The following CAPN1 variants were observed in gnomAD, a reference collection of about 807,000 sequenced individuals.
CAPN1 encodes calpain-1 catalytic subunit.
A neutral mutation model predicts 105.2 loss-of-function variants in CAPN1; 77 were observed. That is an observed-to-expected ratio of 0.73 (90% CI 0.61 to 0.88). CAPN1 has a LOEUF of 0.88. Among genes scored for constraint, CAPN1 ranks in the 40% least tolerant of loss-of-function variants. The pLI, the probability that CAPN1 is intolerant of heterozygous loss-of-function variation, is 0.00. For missense variants in CAPN1, 833 were observed against 976.6 expected (o/e 0.85, Z 1.96); for synonymous variants, 355 against 388.8 (o/e 0.91, Z 1.02).
Position 65,183,531 on chromosome 11 carries a change from A to G in CAPN1, c.395A>G (p.His132Arg). The stretch of plus-strand genomic sequence containing the variant: ...CTCACTCTCAACGACACCCTCCTGC[A>G]CCGAGTGGTTCCGCACGGCCAGAGC... ...ASLTLNDTLL[H>R]RVVPHGQSFQ... The change falls in exon 4 of 22, where the codon CAC (histidine) becomes CGC (arginine). Residue 132 changes from histidine to arginine, a missense_variant. Coordinates refer to ENST00000279247, the MANE Select transcript of CAPN1 (RefSeq NM_005186.4). 1 of 1,613,848 alleles carries G rather than the reference A, an allele frequency of 6.2e-7. No homozygotes were observed. The highest frequency in any genetic ancestry group is 8.5e-7 in the Non-Finnish European group (1 of 1,179,818).
chr11:65,209,307 T>C lies in CAPN1; in HGVS notation c.1730-16T>C, dbSNP rs773369947. ...AGCTCACTAGGTGGAGATGTTGGAA[T>C]TGGTTTTTCTTGCAGACAAAGACCT... is the stretch of plus-strand genomic sequence containing the variant. On this transcript the variant is annotated splice_polypyrimidine_tract_variant and intron_variant, in intron 16 of 21. Transcript: ENST00000279247. This position sits in a 1 kb window ranked among gnomAD's most constrained non-coding sequence, Gnocchi z 4.1. The C allele has an allele frequency of 2.5e-6, 4 of 1,611,780 alleles. No individual in the cohort carries two copies. Among genetic ancestry groups the C allele is most frequent in the South Asian group, 1.1e-5 (1 of 90,778 alleles).
In CAPN1 at chr11:65,188,478, G is replaced by A. The variant is rs1274524055; in HGVS notation, c.994G>A (p.Gly332Arg). ...RDQLRVKMED[G>R]EFWMSFRDFM... ...CCAGCTCCGGGTCAAGATGGAGGAC[G>A]GGGAGTTCTGGTGAGCGCCCCCTCC... is the stretch of plus-strand genomic sequence containing the variant. Residue 332 changes from glycine (G) to arginine (R), a missense_variant, in exon 9 of 22, where the codon GGG (glycine) becomes AGG (arginine). Physicochemically the swap from Gly to Arg is moderately radical, Grantham distance 125. Coordinates refer to ENST00000279247, the MANE Select transcript of CAPN1 (RefSeq NM_005186.4). The surrounding 1 kb of genome is among the most constrained non-coding windows in gnomAD (Gnocchi z 5.5). The A allele has an allele frequency of 4.3e-6, 7 of 1,612,994 alleles. No homozygotes were observed. The highest frequency in any genetic ancestry group is 4.5e-5 in the East Asian group (2 of 44,824).
rs766734966 is a variant in CAPN1 at position 65,183,549 on chromosome 11, G to C, written c.413G>C (p.Gly138Ala). ...CTCCTGCACCGAGTGGTTCCGCACGGCCAGAGCTTCCAGAATGGCTATGCC... is the reference window on the plus strand; with the variant it reads ...CTCCTGCACCGAGTGGTTCCGCACGCCCAGAGCTTCCAGAATGGCTATGCC... Reference protein sequence around the residue: ...DTLLHRVVPHGQSFQNGYAGI... With the variant: ...DTLLHRVVPHAQSFQNGYAGI... Residue 138 changes from glycine to alanine, a missense_variant, in exon 4 of 22, where the codon GGC becomes GCC. Transcript: ENST00000279247. The C allele has an allele frequency of 3.1e-6, 5 of 1,613,894 alleles. No homozygotes were observed. The East Asian group carries it at 8.9e-5, about 29-fold the overall frequency.
Position 65,182,762 on chromosome 11 carries a change from CA to C in CAPN1, c.62del (p.Gln21ArgfsTer155). On this transcript the variant is annotated frameshift_variant, in exon 2 of 22. Coordinates refer to ENST00000279247, the MANE Select transcript of CAPN1 (RefSeq NM_005186.4). LOFTEE classifies it high-confidence loss of function. ...CTGVSAQVQK[Q>X]RARELGLGRH... is the part of the protein sequence containing the mutation. The stretch of plus-strand genomic sequence containing the variant: ...TGGGGTGTCAGCCCAAGTGCAGAAG[CA>C]GCGGGCCAGGGAGCTGGGCCTGGGC... 1 of 1,581,202 alleles carries C rather than the reference CA, an allele frequency of 6.3e-7. No individual in the cohort carries two copies. Among genetic ancestry groups the C allele is most frequent in the Non-Finnish European group, 8.6e-7 (1 of 1,164,192 alleles).
chr11:65,181,593 T>G, upstream of CAPN1: 2 of 414,964 alleles, frequency 4.8e-6, no homozygotes, highest in Non-Finnish European at 9.6e-6. The surrounding 1 kb of genome is among the most constrained non-coding windows in gnomAD (Gnocchi z 4.6). Flanking sequence ...CAACTCGAGC[T>G]GCTGCCCCTG....
rs753747743 is a variant in CAPN1 at position 65,208,162 on chromosome 11, C to T, written c.1671+42C>T. 13 of 1,594,120 alleles carry T rather than the reference C, an allele frequency of 8.2e-6. No individual in the cohort carries two copies. In the South Asian group the frequency reaches 1.0e-4, roughly 13 times the overall value. On this transcript the variant is annotated intron_variant, in intron 15 of 21. Transcript: ENST00000279247. The surrounding 1 kb of genome is among the most constrained non-coding windows in gnomAD (Gnocchi z 4.1). ...CAGGTTGGGAGGGGCCTGTGAGGGG[C>T]AGCCCTCTCCTGGGGCAGGTGCCAC...
chr11:65,187,273 C>A lies in CAPN1; in HGVS notation c.818C>A (p.Ala273Asp). The change falls in exon 7 of 22, where the codon GCC (alanine) becomes GAC (aspartate). Residue 273 changes from alanine to aspartate, a missense_variant. Transcript: ENST00000279247. ...TTCAAGAAGTTGGTGAAGGGCCATGCCTACTCTGTGACCGGGGCCAAGCAG... is the reference window on the plus strand; with the variant it reads ...TTCAAGAAGTTGGTGAAGGGCCATGACTACTCTGTGACCGGGGCCAAGCAG... Reference protein sequence around the residue: ...ITFKKLVKGHAYSVTGAKQVN... With the variant: ...ITFKKLVKGHDYSVTGAKQVN... 1 of 1,613,114 alleles carries A rather than the reference C, an allele frequency of 6.2e-7. No homozygotes were observed. The highest frequency in any genetic ancestry group is 8.5e-7 in the Non-Finnish European group (1 of 1,179,398).
chr11:65,185,860 TG>T, intron 4 of CAPN1, 56 bp from the exon 5 acceptor site: 1 of 1,534,738 alleles, frequency 6.5e-7, no homozygotes, highest in South Asian at 1.2e-5. Flanking sequence ...GGGGTAAGGA[TG>T]GAGCTCAGGT....
intron 4 of CAPN1, among the ~76,000 whole-genome samples, chr11:65,185,306 A>G (rs1021270245): frequency 6.6e-6 from 1 of 152,058 alleles, no homozygotes; most frequent in African/African-American, 2.4e-5. Context: ...GTGGCAAGAC[A>G]GACTATGGAA....
rs1369213566 is a variant in CAPN1, at chr11:65,205,894, G to A, written c.1353+173G>A. Reference sequence around the variant, plus strand: ...TGGGCAGAGCAAACATTGCTCTCCTGAGGGTCAGCACAGGTAGTCAGTGAG... The same window carrying A: ...TGGGCAGAGCAAACATTGCTCTCCTAAGGGTCAGCACAGGTAGTCAGTGAG... On this transcript the variant is annotated intron_variant, in intron 12 of 21. Transcript: ENST00000279247. 7.6e-6 allele frequency: 5 copies of A among 659,012 alleles called. No homozygotes were observed. The African/African-American group carries it at 8.9e-5, about 12-fold the overall frequency. 40.8% of individuals were successfully genotyped at this position (659,012 alleles called of 1,614,324 possible). A position where few individuals can be genotyped will look rare whatever the true frequency, so the allele number is the denominator to read the frequency against.
intron 2 of CAPN1, 24 bp downstream of exon 2, chr11:65,182,992 G>T: frequency 1.9e-6 from 3 of 1,612,792 alleles, no homozygotes; most frequent in Non-Finnish European, 2.5e-6. Context: ...TCCTGGGTGG[G>T]ACTCGGCTAA....
Position 65,209,896 on chromosome 11 carries a change from G to C in CAPN1, c.1842G>C (p.Trp614Cys). 1 of 1,613,716 alleles carries C rather than the reference G, an allele frequency of 6.2e-7. No individual in the cohort carries two copies. The highest frequency in any genetic ancestry group is 1.1e-5 in the South Asian group (1 of 91,072). Reference sequence around the variant, plus strand: ...GCCTGGTGGAGTTCAACATCCTGTGGAACCGCATCCGGAATTACCTGGTAG... The same window carrying C: ...GCCTGGTGGAGTTCAACATCCTGTGCAACCGCATCCGGAATTACCTGGTAG... ...KLGLVEFNILWNRIRNYLSIF... is the reference protein window; with the variant it reads ...KLGLVEFNILCNRIRNYLSIF... The change falls in exon 18 of 22, where the codon TGG becomes TGC. Residue 614 changes from tryptophan to cysteine, a missense_variant. Coordinates refer to ENST00000279247, the MANE Select transcript of CAPN1 (RefSeq NM_005186.4). This position sits in a 1 kb window ranked among gnomAD's most constrained non-coding sequence, Gnocchi z 4.1.
At chr11:65,211,154 G>A (rs1034712503) in intron 21 of CAPN1, 106 bp from the exon 22 acceptor site, 58 of 1,277,176 alleles carry the variant, frequency 4.5e-5, no homozygotes, top group Non-Finnish European at 5.7e-5. Flanking sequence ...AGGTTCCTGA[G>A]GTGGCTCCTG....
Position 65,208,274 on chromosome 11 carries a change from C to G in CAPN1, c.1729+12C>G. On this transcript the variant is annotated intron_variant, in intron 16 of 21. Transcript: ENST00000279247. This position sits in a 1 kb window ranked among gnomAD's most constrained non-coding sequence, Gnocchi z 4.1. ...GATCATCAGCAAACGTGAGTCCCCG[C>G]GGGGCTGTCCCACCACCCCACCATT... 1.9e-6 allele frequency: 3 copies of G among 1,555,116 alleles called. No individual in the cohort carries two copies. The highest frequency in any genetic ancestry group is 2.6e-6 in the Non-Finnish European group (3 of 1,148,774).
intron 10 of CAPN1, among the ~76,000 whole-genome samples, chr11:65,193,029 G>A (rs1324837302): frequency 6.7e-6 from 1 of 149,928 alleles, no homozygotes; most frequent in African/African-American, 2.5e-5. Context: ...CGCCCAGGCT[G>A]GAGTGCAGTG....
At position 65,206,576 on chromosome 11, in the gene CAPN1, G is replaced by A; in HGVS notation, c.1467G>A (p.Leu489=). Residue 489 remains leucine (L), a synonymous_variant, in exon 13 of 22, where the codon CTG becomes CTA. Coordinates refer to ENST00000279247, the MANE Select transcript of CAPN1 (RefSeq NM_005186.4). Reference sequence around the variant, plus strand: ...GAGAGGTCAGCACCCGCTTCCGCCTGCCACCCGGGGAGTATGTGGTGGTGC... The same window carrying A: ...GAGAGGTCAGCACCCGCTTCCGCCTACCACCCGGGGAGTATGTGGTGGTGC... The part of the protein sequence containing the change: ...NLREVSTRFR[L]PPGEYVVVPS... 6.2e-7 allele frequency: 1 copy of A among 1,613,436 alleles called. No individual in the cohort carries two copies. The highest frequency in any genetic ancestry group is 1.1e-5 in the South Asian group (1 of 91,092).
At chr11:65,199,361 C>A (rs1317150979) in intron 10 of CAPN1, among the ~76,000 whole-genome samples, 1 of 152,080 alleles carries the variant, frequency 6.6e-6, no homozygotes, top group Non-Finnish European at 1.5e-5. Flanking sequence ...TGGAAAAAAT[C>A]TTAATTTTTT....
chr11:65,182,669 C>T (rs1948557068), intron 1 of CAPN1, 32 bp from the exon 2 acceptor site: 1 of 1,489,260 alleles, frequency 6.7e-7, no homozygotes, highest in East Asian at 2.4e-5. Flanking sequence ...TTGGGAAGGC[C>T]TGGGTTCTGA....
Position 65,188,306 on chromosome 11 carries a change from G to A in CAPN1, c.930-108G>A. The A allele has an allele frequency of 9.9e-7, 1 of 1,007,402 alleles. No individual in the cohort carries two copies. The highest frequency in any genetic ancestry group is 2.1e-4 in the Middle Eastern group (1 of 4,738). The allele number at this position is 1,007,402 out of a possible 1,614,324, so 62.4% of individuals were successfully genotyped here. On this transcript the variant is annotated intron_variant, in intron 8 of 21. Coordinates refer to ENST00000279247, the MANE Select transcript of CAPN1 (RefSeq NM_005186.4). This position sits in a 1 kb window ranked among gnomAD's most constrained non-coding sequence, Gnocchi z 5.5. ...AACCTTGGCGCTTGACCTTGAGGAGGCCACCTGGGCTGGGCCGGGGGAAGA... is the reference window on the plus strand; with the variant it reads ...AACCTTGGCGCTTGACCTTGAGGAGACCACCTGGGCTGGGCCGGGGGAAGA...
Sources: allele counts gnomAD v4.1 joint callset (sites outside exome capture counted in the v4.1 genomes callset), GRCh38; gene constraint gnomAD v4.1.1; non-coding constraint Gnocchi (gnomAD v3.1); transcripts MANE v1.5; gene names NCBI Gene and HGNC (gene_info 2026-07-23, HGNC 2026-07-21).